KALRN: variants seen among roughly 807,000 people sequenced by gnomAD.
KALRN encodes kalirin RhoGEF kinase, also known as kalirin.
KALRN carries 70 observed loss-of-function variants against 353.7 expected under a neutral mutation model. That is an observed-to-expected ratio of 0.20 (90% CI 0.16 to 0.24). The LOEUF is 0.24. KALRN is among the 10% of genes least tolerant of loss of function. The probability of loss-of-function intolerance (pLI) is 1.00; values close to 1 mark genes in which losing one functional copy is unlikely to be tolerated. For synonymous variants in KALRN, 1,391 were observed against 1,434.8 expected, an observed-to-expected ratio of 0.97 and a Z score of 0.69; for missense variants, 2,791 against 3,756.7, an observed-to-expected ratio of 0.74 and a Z score of 6.72.
intron 10 of KALRN, among the ~76,000 whole-genome samples, chr3:124,354,084 A>G (rs1391446196): frequency 1.3e-5 from 2 of 152,240 alleles, no homozygotes; most frequent in Non-Finnish European, 2.9e-5. Context: ...AGAGGGCAGG[A>G]GCCAATATCC....
intron 3 of KALRN, among the ~76,000 whole-genome samples, chr3:124,256,218 G>A (rs1655145154): frequency 6.6e-6 from 1 of 152,208 alleles, no homozygotes; most frequent in Admixed American, 6.5e-5. Flanking sequence ...AGGCCAAACT[G>A]TAATGTAGGA....
intron 33 of KALRN, chr3:124,518,308 T>C (rs1577673035): frequency 9.0e-7 from 1 of 1,112,144 alleles, no homozygotes; most frequent in South Asian, 1.2e-5. Flanking sequence ...GCACTGATGA[T>C]TTAACTCTGT....
chr3:124,656,472 G>A (rs904986483), intron 39 of KALRN, among the ~76,000 whole-genome samples: 2 of 152,108 alleles, frequency 1.3e-5, no homozygotes, highest in African/African-American at 2.4e-5. Flanking sequence ...TTAGCCGGGC[G>A]TGGTGGTGGG....
intron 1 of KALRN, among the ~76,000 whole-genome samples, chr3:124,066,664 C>T (rs557062723): frequency 3.3e-5 from 5 of 152,302 alleles, no homozygotes; most frequent in African/African-American, 1.2e-4. Context: ...CTCCTTGCTT[C>T]TTCTTATCTC....
chr3:124,210,942 C>T (rs976955237), intron 1 of KALRN, among the ~76,000 whole-genome samples: 1 of 152,180 alleles, frequency 6.6e-6, no homozygotes, highest in Non-Finnish European at 1.5e-5. Flanking sequence ...ATAATGTTCT[C>T]ACCTTTGCTG....
Position 124,455,255 on chromosome 3 carries a change from A to T in KALRN, c.3631A>T (p.Ile1211Leu). 1 of 1,614,184 alleles carries T rather than the reference A, an allele frequency of 6.2e-7. No homozygotes were observed. The highest frequency in any genetic ancestry group is 2.2e-5 in the East Asian group (1 of 44,876). ...AAAAGGCCACATTCATGCCACGGAG[A>T]TAAGGAAATGGGTGACCACGGTGGA... Reference protein sequence around the residue: ...VEKGHIHATEIRKWVTTVDKH... With the variant: ...VEKGHIHATELRKWVTTVDKH... Residue 1211 changes from isoleucine to leucine, a missense_variant, in exon 22 of 60, where the codon ATA becomes TTA. Ile to Leu is a conservative substitution (Grantham distance 5, BLOSUM62 2). Transcript: ENST00000682506.
chr3:124,273,428 G>C (rs1427090833), intron 5 of KALRN, among the ~76,000 whole-genome samples: 1 of 152,208 alleles, frequency 6.6e-6, no homozygotes, highest in Admixed American at 6.5e-5. Context: ...GAGCACATAA[G>C]CTCCTGTGTA....
intron 3 of KALRN, among the ~76,000 whole-genome samples, chr3:124,259,185 C>T (rs978830263): frequency 2.2e-4 from 33 of 152,314 alleles, no homozygotes; most frequent in African/African-American, 6.5e-4. Flanking sequence ...ATGCATCACA[C>T]TTCAGAGTTA....
At chr3:124,625,958 GT>G (rs1321661417) in intron 34 of KALRN, among the ~76,000 whole-genome samples, 1 of 152,078 alleles carries the variant, frequency 6.6e-6, no homozygotes, top group Non-Finnish European at 1.5e-5. Context: ...GTGCATGCCT[GT>G]AATCCCAGCT....
intron 1 of KALRN, among the ~76,000 whole-genome samples, chr3:124,157,239 G>A (rs1276911407): frequency 6.6e-6 from 1 of 152,204 alleles, no homozygotes; most frequent in Non-Finnish European, 1.5e-5. Context: ...GGACCCTGAG[G>A]AGGCAAGTGA....
At chr3:124,227,717 A>C (rs1251706102) in intron 1 of KALRN, among the ~76,000 whole-genome samples, 6 of 97,634 alleles carry the variant, frequency 6.1e-5, no homozygotes, top group Non-Finnish European at 5.6e-5. Flanking sequence ...CCCCCACTGC[A>C]TGGAGGTTTC....
intron 3 of KALRN, among the ~76,000 whole-genome samples, chr3:124,262,035 T>G (rs1580202295): frequency 6.6e-6 from 1 of 152,246 alleles, no homozygotes; most frequent in East Asian, 1.9e-4. Flanking sequence ...AATATATTTT[T>G]TAATAAAACG....
chr3:124,591,964 G>A (rs547581716), intron 34 of KALRN, among the ~76,000 whole-genome samples: 1 of 152,276 alleles, frequency 6.6e-6, no homozygotes, highest in Non-Finnish European at 1.5e-5. Context: ...CACTTCCAGT[G>A]TTGTAATTTC....
At chr3:124,369,512 ATGT>A (rs2085527446) in intron 10 of KALRN, among the ~76,000 whole-genome samples, 1 of 152,176 alleles carries the variant, frequency 6.6e-6, no homozygotes, top group Non-Finnish European at 1.5e-5. Flanking sequence ...TATGTACAAC[ATGT>A]TGTTTTGAAA....
chr3:124,726,110 T>C lies in KALRN; in HGVS notation c.*6640T>C, dbSNP rs956445403. ...TTATTTTATTATTTTTAAATTTTTC[T>C]GCTGTTGTTCATTTTGTATGCACAC... On this transcript the variant is annotated 3_prime_UTR_variant, in exon 60 of 60. Transcript: ENST00000682506. 9 of 152,260 alleles carry C rather than the reference T, an allele frequency of 5.9e-5. No homozygotes were observed. The East Asian group carries it at 1.7e-3, about 29-fold the overall frequency. 9.4% of individuals were successfully genotyped at this position (152,260 alleles called of 1,614,324 possible).
chr3:124,106,148 A>G (rs550547601), intron 1 of KALRN, among the ~76,000 whole-genome samples: 1 of 152,208 alleles, frequency 6.6e-6, no homozygotes, highest in Non-Finnish European at 1.5e-5. Context: ...TGGATTGAAC[A>G]AAGAGTGCAG....
chr3:124,353,692 A>C (rs2083078190), intron 10 of KALRN, among the ~76,000 whole-genome samples: 1 of 152,054 alleles, frequency 6.6e-6, no homozygotes, highest in African/African-American at 2.4e-5. Flanking sequence ...AAAAGGTGGG[A>C]GAGCTTAAAT....
chr3:124,041,461 C>T lies in KALRN; in HGVS notation c.73+7648C>T, dbSNP rs142439442. On this transcript the variant is annotated intron_variant, in intron 1 of 59. Coordinates refer to ENST00000682506, the MANE Select transcript of KALRN (RefSeq NM_001388419.1). ...AGTATTATCTGATTTAATCTGATTTCCATGGGACCTTTCCAGTCCAGGAAG... is the reference window on the plus strand; with the variant it reads ...AGTATTATCTGATTTAATCTGATTTTCATGGGACCTTTCCAGTCCAGGAAG... 2.0e-3 allele frequency among the ~76,000 whole-genome samples: 299 copies of T among 152,278 alleles called. 1 individual carries two copies. Among genetic ancestry groups the T allele is most frequent in the African/African-American group, 6.7e-3 (278 of 41,548 alleles).
chr3:124,305,933 G>C (rs2077657052), intron 6 of KALRN, among the ~76,000 whole-genome samples: 1 of 152,090 alleles, frequency 6.6e-6, no homozygotes, highest in Non-Finnish European at 1.5e-5. Context: ...TCACCTGTGA[G>C]AGCAACCAGA....
Sources: allele counts gnomAD v4.1 joint callset (sites outside exome capture counted in the v4.1 genomes callset), GRCh38; gene constraint gnomAD v4.1.1; transcripts MANE v1.5; gene names NCBI Gene and HGNC (gene_info 2026-07-23, HGNC 2026-07-21).